RAPH1: variants seen among roughly 807,000 people sequenced by gnomAD.
The protein encoded by RAPH1 is Ras association (RalGDS/AF-6) and pleckstrin homology domains 1.
In RAPH1, 18 loss-of-function variants were observed where a neutral mutation model predicts 88.1. The ratio of observed to expected loss-of-function variants is 0.20; its 90% confidence interval spans 0.14 to 0.30. The LOEUF (loss-of-function observed/expected upper bound fraction) is 0.30, where lower values mean the gene tolerates loss of function less well. Ranked by LOEUF, RAPH1 falls within the 10% of genes least tolerant of loss-of-function variation. RAPH1 has a pLI of 1.00. For synonymous variants in RAPH1, 587 were observed against 559.0 expected, an observed-to-expected ratio of 1.05 and a Z score of -0.71; for missense variants, 1,448 against 1,543.2, an observed-to-expected ratio of 0.94 and a Z score of 1.03.
chr2:203,458,450 A>AT (rs1331003188), intron 7 of RAPH1, among the ~76,000 whole-genome samples: 9 of 152,184 alleles, frequency 5.9e-5, no homozygotes, highest in Non-Finnish European at 2.9e-5. Context: ...TAGGAGATTG[A>AT]TTCTAGGATC....
rs1260638829 is a variant in RAPH1 at position 203,434,215 on chromosome 2, A to G, written c.*5222T>C. ...GCTGTGCATAATCCTTTGAATAATAATGTCCTCTACCTGGTACATTATAAT... is the reference window on the plus strand; with the variant it reads ...GCTGTGCATAATCCTTTGAATAATAGTGTCCTCTACCTGGTACATTATAAT... On this transcript the variant is annotated 3_prime_UTR_variant, in exon 14 of 14. Transcript: ENST00000319170. The G allele has an allele frequency of 6.6e-6, 1 of 152,582 alleles. No individual in the cohort carries two copies. Among genetic ancestry groups the G allele is most frequent in the Non-Finnish European group, 1.5e-5 (1 of 68,022 alleles). 9.5% of individuals were successfully genotyped at this position (152,582 alleles called of 1,614,324 possible).
intron 1 of RAPH1, among the ~76,000 whole-genome samples, chr2:203,496,388 T>A (rs897395126): frequency 2.0e-5 from 3 of 152,060 alleles, no homozygotes; most frequent in Non-Finnish European, 4.4e-5. Flanking sequence ...TAGTGTGATA[T>A]CTGACATGGA....
chr2:203,482,711 G>A (rs1219147809), intron 4 of RAPH1, among the ~76,000 whole-genome samples: 4 of 151,988 alleles, frequency 2.6e-5, no homozygotes, highest in African/African-American at 9.7e-5. Flanking sequence ...ACTGAGGCAG[G>A]AGGATCCACT....
chr2:203,443,489 A>G (rs561956870), intron 13 of RAPH1: 2 of 152,294 alleles, frequency 1.3e-5, no homozygotes, highest in Non-Finnish European at 2.9e-5. Flanking sequence ...TAGTCTTGCA[A>G]TAACTATACT....
At chr2:203,521,319 G>C (rs1473774006) in intron 1 of RAPH1, among the ~76,000 whole-genome samples, 1 of 152,132 alleles carries the variant, frequency 6.6e-6, no homozygotes. Flanking sequence ...CTCCCAAAGT[G>C]CTGGGATTAC....
Position 203,488,461 on chromosome 2 carries a change from C to T in RAPH1, c.732+1123G>A, listed in dbSNP as rs371292470. On this transcript the variant is annotated intron_variant, in intron 4 of 13. Coordinates refer to ENST00000319170, the MANE Select transcript of RAPH1 (RefSeq NM_213589.3). The stretch of plus-strand genomic sequence containing the variant: ...AAAATTAGCCAGGCATGGTGGCACA[C>T]GCCTGTAATCCCAGCTACTCAGGAG... Among the ~76,000 whole-genome samples the T allele has an allele frequency of 9.9e-5, 15 of 151,686 alleles. No homozygotes were observed. The East Asian group carries it at 1.2e-3, about 12-fold the overall frequency.
intron 1 of RAPH1, among the ~76,000 whole-genome samples, chr2:203,524,496 C>A (rs1054472669): frequency 3.3e-5 from 5 of 152,036 alleles, no homozygotes; most frequent in East Asian, 3.8e-4. Flanking sequence ...CCTGGAAAAA[C>A]GAAATGTGGC....
rs527950828 is a variant in RAPH1, at chr2:203,509,149, C to T, written c.1-13796G>A. 4.8e-5 allele frequency among the ~76,000 whole-genome samples: 7 copies of T among 146,904 alleles called. No individual in the cohort carries two copies. In the East Asian group the frequency reaches 1.4e-3, roughly 30 times the overall value. ...GTGGTGACACGATCTTGGCTCACTG[C>T]AACCTCTGCCTCCCAGGTTCAAGTG... is the stretch of plus-strand genomic sequence containing the variant. On this transcript the variant is annotated intron_variant, in intron 1 of 13. Coordinates refer to ENST00000319170, the MANE Select transcript of RAPH1 (RefSeq NM_213589.3).
In RAPH1 at chr2:203,448,925, T is replaced by C. The variant is rs567615929; in HGVS notation, c.1414-89A>G. The C allele has an allele frequency of 4.7e-5, 36 of 770,624 alleles. 1 individual carries two copies. The South Asian group carries it at 7.1e-4, about 15-fold the overall frequency. The allele number at this position is 770,624 out of a possible 1,614,324, so 47.7% of individuals were successfully genotyped here. A position where few individuals can be genotyped will look rare whatever the true frequency, so the allele number is the denominator to read the frequency against. On this transcript the variant is annotated intron_variant, in intron 10 of 13. Transcript: ENST00000319170. The surrounding 1 kb of genome is among the most constrained non-coding windows in gnomAD (Gnocchi z 4.1). The stretch of plus-strand genomic sequence containing the variant: ...CAAAGCTTAAACATATCCTGACAAG[T>C]TATAGGCCATTAGAGTAATGGCCAA...
intron 4 of RAPH1, among the ~76,000 whole-genome samples, chr2:203,489,374 TAA>T (rs1688139114): frequency 6.6e-6 from 1 of 152,146 alleles, no homozygotes; most frequent in Admixed American, 6.5e-5. Flanking sequence ...GTCACGAGAA[TAA>T]AAAAGAAACT....
chr2:203,487,293 C>T (rs1688014120), intron 4 of RAPH1, among the ~76,000 whole-genome samples: 1 of 152,118 alleles, frequency 6.6e-6, no homozygotes, highest in African/African-American at 2.4e-5. Flanking sequence ...CATATCCTAG[C>T]AGGTAAATCT....
chr2:203,514,782 C>G (rs2105938823), intron 1 of RAPH1, among the ~76,000 whole-genome samples: 1 of 152,108 alleles, frequency 6.6e-6, no homozygotes, highest in African/African-American at 2.4e-5. Context: ...TCTCAATCTC[C>G]TGACCTCATG....
At chr2:203,458,220 T>G (rs1376861055) in intron 7 of RAPH1, among the ~76,000 whole-genome samples, 2 of 151,966 alleles carry the variant, frequency 1.3e-5, no homozygotes, top group African/African-American at 4.8e-5. Flanking sequence ...AAATACAAAA[T>G]TAGCCAGGTG....
In RAPH1 at chr2:203,489,449, T is replaced by C. The variant is rs541061707; in HGVS notation, c.732+135A>G. 121 of 624,354 alleles carry C rather than the reference T, an allele frequency of 1.9e-4. No homozygotes were observed. In the African/African-American group the frequency reaches 2.1e-3, roughly 11 times the overall value. 38.7% of individuals were successfully genotyped at this position (624,354 alleles called of 1,614,324 possible). A position where few individuals can be genotyped will look rare whatever the true frequency, so the allele number is the denominator to read the frequency against. On this transcript the variant is annotated intron_variant, in intron 4 of 13. Transcript: ENST00000319170. ...CTGATAATATATTCCTTCTGTACTC[T>C]TGAAACCTATCTCAGAAGTATCTTT... is the stretch of plus-strand genomic sequence containing the variant.
At chr2:203,461,146 CATATAT>C (rs149163611) in intron 6 of RAPH1, 97 bp downstream of exon 6, 10 of 474,340 alleles carry the variant, frequency 2.1e-5, no homozygotes, top group South Asian at 1.0e-4. Flanking sequence ...AAAATAAAAA[CATATAT>C]ATATATATAA....
rs1428431258 is a variant in RAPH1 at position 203,461,237 on chromosome 2, G to T, written c.970+12C>A. 5 of 1,519,798 alleles carry T rather than the reference G, an allele frequency of 3.3e-6. No individual in the cohort carries two copies. Among genetic ancestry groups the T allele is most frequent in the Non-Finnish European group, 4.4e-6 (5 of 1,127,284 alleles). 94.1% of individuals were successfully genotyped at this position (1,519,798 alleles called of 1,614,324 possible). A position where few individuals can be genotyped will look rare whatever the true frequency, so the allele number is the denominator to read the frequency against. On this transcript the variant is annotated intron_variant, in intron 6 of 13. Coordinates refer to ENST00000319170, the MANE Select transcript of RAPH1 (RefSeq NM_213589.3). ...AAAATTAGAAAGCAATTAAAGCAAT[G>T]ATATTACTAACCCATTTGTAATTCA...
At chr2:203,467,475 T>C (rs1364689527) in intron 4 of RAPH1, among the ~76,000 whole-genome samples, 1 of 150,848 alleles carries the variant, frequency 6.6e-6, no homozygotes. Context: ...GGCACATGCC[T>C]GTAATCCCAG....
At chr2:203,447,080 C>G (rs1214130185) in intron 12 of RAPH1, 1 of 151,726 alleles carries the variant, frequency 6.6e-6, no homozygotes, top group Non-Finnish European at 1.5e-5. Context: ...CATTCCCTTA[C>G]TTTCTGGCAT....
chr2:203,449,884 G>A (rs538620177), intron 10 of RAPH1, among the ~76,000 whole-genome samples: 2 of 152,046 alleles, frequency 1.3e-5, no homozygotes, highest in East Asian at 3.9e-4. Context: ...TTAGTTGGAC[G>A]TGGTGGTGCA....
Sources: gnomAD v4.1 joint callset for allele counts (sites outside exome capture counted in the v4.1 genomes callset) on GRCh38, gnomAD v4.1.1 for gene constraint, Gnocchi (gnomAD v3.1) non-coding constraint, MANE v1.5 for transcripts, NCBI Gene and HGNC (gene_info 2026-07-23, HGNC 2026-07-21) for gene names.